The following NFKB1 variants were observed in gnomAD, a reference collection of about 807,000 sequenced individuals.
NFKB1 encodes nuclear factor NF-kappa-B p105 subunit.
A neutral mutation model predicts 105.1 loss-of-function variants in NFKB1; 9 were observed. That is an observed-to-expected ratio of 0.09 (90% CI 0.05 to 0.15). The LOEUF is 0.15. NFKB1 is among the 10% of genes least tolerant of loss of function. The pLI is 1.00. For synonymous variants in NFKB1, 440 were observed against 442.2 expected (o/e 1.00, Z 0.06); for missense variants, 830 against 1,203.7 (o/e 0.69, Z 4.59).
intron 1 of NFKB1, among the ~76,000 whole-genome samples, chr4:102,522,012 C>A (rs975380392): frequency 2.0e-5 from 3 of 152,150 alleles, no homozygotes; most frequent in Non-Finnish European, 2.9e-5. Flanking sequence ...CCCATCTTCT[C>A]CCCTGGAAAT....
chr4:102,615,753 G>A (rs1289136211), intron 23 of NFKB1, among the ~76,000 whole-genome samples: 1 of 152,174 alleles, frequency 6.6e-6, no homozygotes, highest in African/African-American at 2.4e-5. Context: ...CGTGCCACTG[G>A]CATTAAAGTC....
intron 9 of NFKB1, 112 bp downstream of exon 9, chr4:102,580,751 G>A: frequency 1.3e-6 from 1 of 742,606 alleles, no homozygotes; most frequent in South Asian, 2.2e-5. Context: ...TCCCTCTGCT[G>A]CCACAGAAAG....
chr4:102,582,597 G>A (rs1471575507), intron 9 of NFKB1, among the ~76,000 whole-genome samples: 2 of 152,090 alleles, frequency 1.3e-5, no homozygotes, highest in Admixed American at 1.3e-4. Context: ...TGGAGAAGCA[G>A]TAAGGTCAAA....
At chr4:102,582,144 T>A (rs985993697) in intron 9 of NFKB1, among the ~76,000 whole-genome samples, 1 of 152,164 alleles carries the variant, frequency 6.6e-6, no homozygotes, top group African/African-American at 2.4e-5. Flanking sequence ...AATTTAAGCA[T>A]TGCATTTTAA....
At position 102,610,565 on chromosome 4, in the gene NFKB1, A is replaced by G. The variant is rs374396904; in HGVS notation, c.2228-10A>G. Reference sequence around the variant, plus strand: ...GGGTTTACCTAATGCTGTGTAATCTAACTTCGCAGGAGCAGATCCCCTGGT... The same window carrying G: ...GGGTTTACCTAATGCTGTGTAATCTGACTTCGCAGGAGCAGATCCCCTGGT... On this transcript the variant is annotated splice_polypyrimidine_tract_variant and intron_variant, in intron 19 of 23. Coordinates refer to ENST00000226574, the MANE Select transcript of NFKB1 (RefSeq NM_003998.4). 2.2e-5 allele frequency: 35 copies of G among 1,613,572 alleles called. No individual in the cohort carries two copies. The highest frequency in any genetic ancestry group is 3.0e-5 in the Non-Finnish European group (35 of 1,179,704).
intron 15 of NFKB1, among the ~76,000 whole-genome samples, 189 bp from the exon 16 acceptor site, chr4:102,600,706 G>T (rs1327170246): frequency 6.6e-6 from 1 of 152,170 alleles, no homozygotes; most frequent in Non-Finnish European, 1.5e-5. Flanking sequence ...TAGGCAGTTG[G>T]GAGGGACCAG....
chr4:102,526,774 T>C (rs895693107), intron 2 of NFKB1, among the ~76,000 whole-genome samples: 6 of 152,206 alleles, frequency 3.9e-5, no homozygotes, highest in Non-Finnish European at 8.8e-5. Context: ...TTAGTAGTTA[T>C]GAAAGGATAG....
chr4:102,532,998 AG>A (rs1330497840), intron 3 of NFKB1, among the ~76,000 whole-genome samples: 7 of 152,176 alleles, frequency 4.6e-5, no homozygotes, highest in Admixed American at 6.6e-5. Context: ...AGATACCATT[AG>A]GGTATGGATT....
At chr4:102,507,992 A>G (rs1354276321) in intron 1 of NFKB1, among the ~76,000 whole-genome samples, 1 of 152,226 alleles carries the variant, frequency 6.6e-6, no homozygotes, top group Non-Finnish European at 1.5e-5. Flanking sequence ...GTGAAAATAG[A>G]TTACTTAATT....
intron 3 of NFKB1, among the ~76,000 whole-genome samples, chr4:102,530,436 G>A (rs567082464): frequency 6.6e-6 from 1 of 152,080 alleles, no homozygotes; most frequent in South Asian, 2.1e-4. Context: ...TGTATTAATT[G>A]TGCCGATTGG....
chr4:102,551,295 G>A (rs538052630), intron 5 of NFKB1, among the ~76,000 whole-genome samples: 2 of 152,098 alleles, frequency 1.3e-5, no homozygotes, highest in East Asian at 3.9e-4. Context: ...AGTAATCAGG[G>A]TATTACTCAG....
chr4:102,607,119 T>TG, intron 17 of NFKB1, 31 bp from the exon 18 acceptor site: 1 of 1,613,084 alleles, frequency 6.2e-7, no homozygotes, highest in East Asian at 2.2e-5. Context: ...AGCCATCCCA[T>TG]CCTGTGACTG....
At chr4:102,519,155 T>C (rs933989512) in intron 1 of NFKB1, among the ~76,000 whole-genome samples, 5 of 151,766 alleles carry the variant, frequency 3.3e-5, no homozygotes, top group African/African-American at 1.2e-4. Flanking sequence ...TATTTTTAGG[T>C]GAATGACTAA....
rs747675628 is a variant in NFKB1, at chr4:102,616,527, C to T, written c.2843C>T (p.Ser948Leu). ...ACCGAGTCTCTGACCAGTGGTGCCT[C>T]ACTGCTAACTCTCAACAAAATGCCC... ...SFTESLTSGA[S>L]LLTLNKMPHD... Residue 948 changes from serine to leucine, a missense_variant, in exon 24 of 24, where the codon TCA becomes TTA. Physicochemically the swap from Ser to Leu is moderately radical, Grantham distance 145 (BLOSUM62 -2). Around this residue, in one of 8 missense-constraint regions of NFKB1, gnomAD observed 418 missense variants for 575.3 expected, o/e 0.73. Transcript: ENST00000226574. The T allele has an allele frequency of 6.2e-7, 1 of 1,614,110 alleles. No homozygotes were observed. The highest frequency in any genetic ancestry group is 1.1e-5 in the South Asian group (1 of 91,066).
At chr4:102,509,454 G>T (rs1322396645) in intron 1 of NFKB1, among the ~76,000 whole-genome samples, 1 of 152,188 alleles carries the variant, frequency 6.6e-6, no homozygotes, top group Non-Finnish European at 1.5e-5. Context: ...TCAATCCTGT[G>T]TTGAAATAGA....
intron 12 of NFKB1, among the ~76,000 whole-genome samples, chr4:102,594,236 T>C (rs1454735434): frequency 6.6e-6 from 1 of 152,204 alleles, no homozygotes; most frequent in African/African-American, 2.4e-5. Context: ...TTTTAATGAC[T>C]CATTTCCTCA....
intron 19 of NFKB1, among the ~76,000 whole-genome samples, chr4:102,609,366 C>T (rs998132273): frequency 1.3e-5 from 2 of 151,950 alleles, no homozygotes; most frequent in Non-Finnish European, 2.9e-5. Flanking sequence ...AATCCCAGCA[C>T]TTTGGGAGGC....
At chr4:102,615,905 T>A (rs1170565991) in intron 23 of NFKB1, among the ~76,000 whole-genome samples, 1 of 152,260 alleles carries the variant, frequency 6.6e-6, no homozygotes, top group African/African-American at 2.4e-5. Context: ...CAAAGGGAAT[T>A]CAACCTGATT....
At chr4:102,566,962 C>T in intron 5 of NFKB1, 25 bp from the exon 6 acceptor site, 3 of 1,612,542 alleles carry the variant, frequency 1.9e-6, no homozygotes, top group Non-Finnish European at 2.5e-6. Flanking sequence ...GATATGCTAA[C>T]TTTTGGAATG....
Sources: allele counts gnomAD v4.1 joint callset (sites outside exome capture counted in the v4.1 genomes callset), GRCh38; gene constraint gnomAD v4.1.1; regional missense constraint gnomAD v4.1.1; transcripts MANE v1.5; gene names NCBI Gene and HGNC (gene_info 2026-07-23, HGNC 2026-07-21).